FBXO8: variants seen among roughly 807,000 people sequenced by gnomAD.
FBXO8 encodes the protein F-box protein 8, also known as F-box only protein 8.
In FBXO8, 15 loss-of-function variants were observed where a neutral mutation model predicts 33.4. The observed-to-expected ratio is 0.45, with a 90% CI of 0.30 to 0.69. The LOEUF is 0.69. Ranked by LOEUF, FBXO8 falls within the 30% of genes least tolerant of loss-of-function variation. FBXO8 has a pLI of 0.08. For synonymous variants in FBXO8, 132 were observed against 131.5 expected (o/e 1.00, Z -0.02); for missense variants, 274 against 380.3 (o/e 0.72, Z 2.32).
rs1332986896 is a variant in FBXO8 at position 174,281,499 on chromosome 4, CCAGCCTGGG to C, written c.-9+1902_-9+1910del. Among the ~76,000 whole-genome samples, 5 of 152,110 alleles carry C rather than the reference CCAGCCTGGG, an allele frequency of 3.3e-5. No homozygotes were observed. The highest frequency in any genetic ancestry group is 1.2e-4 in the African/African-American group (5 of 41,422). ...ATCGCTTGAGCTCAGGACTTCAAGACCAGCCTGGGCAGCACAGTCAGACAAAAAAATTAA... is the reference window on the plus strand; with the variant it reads ...ATCGCTTGAGCTCAGGACTTCAAGACCAGCACAGTCAGACAAAAAAATTAA... On this transcript the variant is annotated intron_variant, in intron 1 of 5. Transcript: ENST00000393674. The surrounding 1 kb of genome is among the most constrained non-coding windows in gnomAD (Gnocchi z 4.6).
chr4:174,258,666 A>G (rs1579028105), intron 3 of FBXO8, among the ~76,000 whole-genome samples: 1 of 152,094 alleles, frequency 6.6e-6, no homozygotes, highest in Non-Finnish European at 1.5e-5. Context: ...AAATTTATGT[A>G]CCATAAAAAT....
chr4:174,259,650 A>T lies in FBXO8; in HGVS notation c.456+49T>A. 5 of 1,582,476 alleles carry T rather than the reference A, an allele frequency of 3.2e-6. No individual in the cohort carries two copies. The highest frequency in any genetic ancestry group is 4.3e-6 in the Non-Finnish European group (5 of 1,170,102). On this transcript the variant is annotated intron_variant, in intron 3 of 5. Transcript: ENST00000393674. The surrounding 1 kb of genome is among the most constrained non-coding windows in gnomAD (Gnocchi z 4.3). ...TTTATGATATTGGAAAGCTGCAGCA[A>T]GATAGTAATAAAGGTCACTGGATAC...
At position 174,255,805 on chromosome 4, in the gene FBXO8, T is replaced by C. The variant is rs975236374; in HGVS notation, c.456+3894A>G. On this transcript the variant is annotated intron_variant, in intron 3 of 5. Transcript: ENST00000393674. The surrounding 1 kb of genome is among the most constrained non-coding windows in gnomAD (Gnocchi z 4.3). The stretch of plus-strand genomic sequence containing the variant: ...ATAGTTTACTGGTTGTTAAATAAAA[T>C]TACTTCATTATACTACTGCTAGTGG... 1.3e-5 allele frequency among the ~76,000 whole-genome samples: 2 copies of C among 152,150 alleles called. No individual in the cohort carries two copies. Among genetic ancestry groups the C allele is most frequent in the East Asian group, 3.8e-4 (2 of 5,204 alleles).
At chr4:174,246,428 G>A (rs1736158922) in intron 3 of FBXO8, among the ~76,000 whole-genome samples, 1 of 151,954 alleles carries the variant, frequency 6.6e-6, no homozygotes, top group Non-Finnish European at 1.5e-5. Context: ...GGAAAGAAGT[G>A]ACTTTCAAGA....
At chr4:174,258,594 A>T (rs1218544337) in intron 3 of FBXO8, among the ~76,000 whole-genome samples, 9 of 152,214 alleles carry the variant, frequency 5.9e-5, no homozygotes, top group African/African-American at 2.4e-5. Context: ...ATTTCTGGAG[A>T]TATGACTTAA....
In FBXO8 at chr4:174,237,031, CTCT is replaced by C. The variant is rs1386891882; in HGVS notation, c.*378_*380del. The C allele has an allele frequency of 1.3e-5, 2 of 156,386 alleles. No homozygotes were observed. The highest frequency in any genetic ancestry group is 4.8e-5 in the African/African-American group (2 of 41,626). The allele number at this position is 156,386 out of a possible 1,614,324, so 9.7% of individuals were successfully genotyped here. A position where few individuals can be genotyped will look rare whatever the true frequency, so the allele number is the denominator to read the frequency against. The stretch of plus-strand genomic sequence containing the variant: ...CAATAAAATAATTATGACTATAAAT[CTCT>C]TTAGTTAAATATGTACACATTACAT... On this transcript the variant is annotated 3_prime_UTR_variant, in exon 6 of 6. Transcript: ENST00000393674. The surrounding 1 kb of genome is among the most constrained non-coding windows in gnomAD (Gnocchi z 4.4).
Position 174,267,360 on chromosome 4 carries a change from G to C in FBXO8, c.-8-4260C>G, listed in dbSNP as rs566081389. Among the ~76,000 whole-genome samples the C allele has an allele frequency of 5.9e-5, 9 of 152,080 alleles. No individual in the cohort carries two copies. The highest frequency in any genetic ancestry group is 5.9e-4 in the Admixed American group (9 of 15,266). ...AGACCAAGAGTTCAAGACCAGACTG[G>C]GCAACATAGACCCCGTTTCAACAAA... On this transcript the variant is annotated intron_variant, in intron 1 of 5. Coordinates refer to ENST00000393674, the MANE Select transcript of FBXO8 (RefSeq NM_012180.3). The surrounding 1 kb of genome is among the most constrained non-coding windows in gnomAD (Gnocchi z 4.7).
intron 1 of FBXO8, among the ~76,000 whole-genome samples, chr4:174,280,218 C>T (rs2126453467): frequency 6.6e-6 from 1 of 151,880 alleles, no homozygotes; most frequent in African/African-American, 2.4e-5. Context: ...CACTAACGTC[C>T]AATAAGCACA....
chr4:174,257,766 T>C lies in FBXO8; in HGVS notation c.456+1933A>G, dbSNP rs911947875. On this transcript the variant is annotated intron_variant, in intron 3 of 5. Transcript: ENST00000393674. The surrounding 1 kb of genome is among the most constrained non-coding windows in gnomAD (Gnocchi z 4.3). The stretch of plus-strand genomic sequence containing the variant: ...ATATCTTTATTATGATTATGATTAT[T>C]ATCATTGAGACAGAGTCTCACTCTC... Among the ~76,000 whole-genome samples, 3 of 152,040 alleles carry C rather than the reference T, an allele frequency of 2.0e-5. No homozygotes were observed. Among genetic ancestry groups the C allele is most frequent in the Non-Finnish European group, 2.9e-5 (2 of 68,008 alleles).
chr4:174,256,097 C>T lies in FBXO8; in HGVS notation c.456+3602G>A, dbSNP rs1454646914. ...GCAGCTGCTGTGGAGCTTGGTTACCCATATCCGTGACATGAACGGTGTCCT... is the reference window on the plus strand; with the variant it reads ...GCAGCTGCTGTGGAGCTTGGTTACCTATATCCGTGACATGAACGGTGTCCT... On this transcript the variant is annotated intron_variant, in intron 3 of 5. Coordinates refer to ENST00000393674, the MANE Select transcript of FBXO8 (RefSeq NM_012180.3). This position sits in a 1 kb window ranked among gnomAD's most constrained non-coding sequence, Gnocchi z 4.6. The T allele has an allele frequency of 6.6e-6, 3 of 456,126 alleles. No individual in the cohort carries two copies. The highest frequency in any genetic ancestry group is 4.7e-5 in the Admixed American group (2 of 42,568). The allele number at this position is 456,126 out of a possible 1,614,324, so 28.3% of individuals were successfully genotyped here. A position where few individuals can be genotyped will look rare whatever the true frequency, so the allele number is the denominator to read the frequency against.
At chr4:174,250,806 A>G (rs1022734772) in intron 3 of FBXO8, among the ~76,000 whole-genome samples, 3 of 152,148 alleles carry the variant, frequency 2.0e-5, no homozygotes, top group Non-Finnish European at 2.9e-5. Flanking sequence ...TTGAAGTGAC[A>G]TCTACTGTGA....
intron 5 of FBXO8, 74 bp downstream of exon 5, chr4:174,238,919 CA>C: frequency 1.1e-6 from 1 of 949,260 alleles, no homozygotes. Context: ...CACAGTGAGA[CA>C]AATGTCTCAT....
intron 3 of FBXO8, among the ~76,000 whole-genome samples, chr4:174,244,351 G>A (rs570830781): frequency 6.6e-5 from 10 of 151,764 alleles, no homozygotes; most frequent in Non-Finnish European, 1.2e-4. Flanking sequence ...GGAAGGGAAT[G>A]CTTGTAACTT....
chr4:174,244,499 C>A (rs1486980024), intron 3 of FBXO8, among the ~76,000 whole-genome samples: 2 of 151,682 alleles, frequency 1.3e-5, no homozygotes, highest in Admixed American at 1.3e-4. Context: ...AATCTATACA[C>A]ATTTTAACTC....
In FBXO8 at chr4:174,242,362, A is replaced by T. The variant is rs191777362; in HGVS notation, c.457-1144T>A. ...TTCTCATAAAACTTTTATGGTAAAA[A>T]TTTTTTTTAAGTAATTAGGTACCAC... On this transcript the variant is annotated intron_variant, in intron 3 of 5. Coordinates refer to ENST00000393674, the MANE Select transcript of FBXO8 (RefSeq NM_012180.3). Among the ~76,000 whole-genome samples, 16 of 151,570 alleles carry T rather than the reference A, an allele frequency of 1.1e-4. No individual in the cohort carries two copies. The East Asian group carries it at 1.9e-3, about 18-fold the overall frequency.
rs1385244184 is a variant in FBXO8 at position 174,253,478 on chromosome 4, T to C, written c.456+6221A>G. Among the ~76,000 whole-genome samples the C allele has an allele frequency of 1.3e-5, 2 of 152,184 alleles. No homozygotes were observed. Among genetic ancestry groups the C allele is most frequent in the Non-Finnish European group, 2.9e-5 (2 of 68,026 alleles). ...TAGGGTCAGCTACCAACCAAATTGTTGTGCCACAGGTGCCAATGTTCCTCC... is the reference window on the plus strand; with the variant it reads ...TAGGGTCAGCTACCAACCAAATTGTCGTGCCACAGGTGCCAATGTTCCTCC... On this transcript the variant is annotated intron_variant, in intron 3 of 5. Transcript: ENST00000393674. The surrounding 1 kb of genome is among the most constrained non-coding windows in gnomAD (Gnocchi z 4.5).
At position 174,245,199 on chromosome 4, in the gene FBXO8, A is replaced by G. The variant is rs946387536; in HGVS notation, c.457-3981T>C. Among the ~76,000 whole-genome samples, 2 of 151,844 alleles carry G rather than the reference A, an allele frequency of 1.3e-5. No individual in the cohort carries two copies. The highest frequency in any genetic ancestry group is 1.3e-4 in the Admixed American group (2 of 15,178). Reference sequence around the variant, plus strand: ...AGACACATACATAAACATCTAGAATACACACGTGCCAAGGTACATCAATAA... The same window carrying G: ...AGACACATACATAAACATCTAGAATGCACACGTGCCAAGGTACATCAATAA... On this transcript the variant is annotated intron_variant, in intron 3 of 5. Transcript: ENST00000393674. This position sits in a 1 kb window ranked among gnomAD's most constrained non-coding sequence, Gnocchi z 4.6.
Position 174,245,204 on chromosome 4 carries a change from C to A in FBXO8, c.457-3986G>T, listed in dbSNP as rs921051303. ...CATACATAAACATCTAGAATACACA[C>A]GTGCCAAGGTACATCAATAATACAT... On this transcript the variant is annotated intron_variant, in intron 3 of 5. Coordinates refer to ENST00000393674, the MANE Select transcript of FBXO8 (RefSeq NM_012180.3). The surrounding 1 kb of genome is among the most constrained non-coding windows in gnomAD (Gnocchi z 4.6). Among the ~76,000 whole-genome samples the A allele has an allele frequency of 1.3e-5, 2 of 151,636 alleles. No homozygotes were observed. Among genetic ancestry groups the A allele is most frequent in the African/African-American group, 2.4e-5 (1 of 41,336 alleles).
In FBXO8 at chr4:174,255,947, T is replaced by A. The variant is rs908214282; in HGVS notation, c.456+3752A>T. 3.3e-6 allele frequency: 1 copy of A among 307,658 alleles called. No homozygotes were observed. The highest frequency in any genetic ancestry group is 2.1e-5 in the African/African-American group (1 of 46,696). The allele number at this position is 307,658 out of a possible 1,614,324, so 19.1% of individuals were successfully genotyped here. A position where few individuals can be genotyped will look rare whatever the true frequency, so the allele number is the denominator to read the frequency against. On this transcript the variant is annotated intron_variant, in intron 3 of 5. Transcript: ENST00000393674. This position sits in a 1 kb window ranked among gnomAD's most constrained non-coding sequence, Gnocchi z 4.3. ...GCCACCTGCCACAAAGTACACAAGC[T>A]CATGCACAAGATCAAGACGTTACAT...
Sources: gnomAD v4.1 joint callset for allele counts (sites outside exome capture counted in the v4.1 genomes callset) on GRCh38, gnomAD v4.1.1 for gene constraint, Gnocchi (gnomAD v3.1) non-coding constraint, MANE v1.5 for transcripts, NCBI Gene and HGNC (gene_info 2026-07-23, HGNC 2026-07-21) for gene names.